BDNF: variants seen among roughly 807,000 people sequenced by gnomAD.
BDNF encodes neurotrophic factor BDNF precursor form.
A neutral mutation model predicts 19.5 loss-of-function variants in BDNF; 1 was observed. The observed-to-expected ratio is 0.05, with a 90% CI of 0.02 to 0.24. The LOEUF (loss-of-function observed/expected upper bound fraction) is 0.24. Among genes scored for constraint, BDNF ranks in the 10% least tolerant of loss-of-function variants. The pLI, the probability that BDNF is intolerant of heterozygous loss-of-function variation, is 1.00. For synonymous variants in BDNF, 100 were observed against 121.6 expected, an observed-to-expected ratio of 0.82 and a Z score of 1.17; for missense variants, 195 against 317.6, an observed-to-expected ratio of 0.61 and a Z score of 2.93.
At chr11:27,705,099 A>G (rs1860058581), upstream of BDNF, among the ~76,000 whole-genome samples, 1 of 152,228 alleles carries the variant, frequency 6.6e-6, no homozygotes, top group Non-Finnish European at 1.5e-5. Context: ...ACCCCCAAAC[A>G]TATGAGAAAT....
chr11:27,701,314 G>T (rs1276239547), upstream of BDNF: 7 of 1,126,024 alleles, frequency 6.2e-6, no homozygotes, highest in Non-Finnish European at 6.6e-6. Context: ...GTCACTACTT[G>T]TCAAAGTAAC....
intron 1 of BDNF, among the ~76,000 whole-genome samples, chr11:27,661,718 C>T (rs781354872): frequency 2.5e-4 from 38 of 152,232 alleles, no homozygotes; most frequent in Non-Finnish European, 4.8e-4. Context: ...CCTCACCCTT[C>T]TTAGCTAACT....
upstream of BDNF, among the ~76,000 whole-genome samples, chr11:27,702,290 C>A (rs1859939455): frequency 6.6e-6 from 1 of 152,198 alleles, no homozygotes; most frequent in South Asian, 2.1e-4. Flanking sequence ...GGTCCCTCCT[C>A]CTGAAATTGT....
intron 1 of BDNF, among the ~76,000 whole-genome samples, chr11:27,673,445 A>G (rs1855674061): frequency 6.6e-6 from 1 of 152,180 alleles, no homozygotes; most frequent in South Asian, 2.1e-4. Flanking sequence ...GTTAAGACCC[A>G]TTTGTCTTAT....
intron 1 of BDNF, among the ~76,000 whole-genome samples, chr11:27,664,297 C>G (rs1853948276): frequency 6.6e-6 from 1 of 152,046 alleles, no homozygotes; most frequent in South Asian, 2.1e-4. Context: ...GTTAGACTTC[C>G]TTTTGTTCAT....
At chr11:27,681,012 G>A (rs1856772090) in intron 1 of BDNF, among the ~76,000 whole-genome samples, 1 of 152,210 alleles carries the variant, frequency 6.6e-6, no homozygotes. Context: ...TCATCCATCA[G>A]ATTAACCTCT....
chr11:27,720,992 A>G (rs1479826378), intron 1 of BDNF, among the ~76,000 whole-genome samples: 1 of 80,464 alleles, frequency 1.2e-5, no homozygotes, highest in East Asian at 3.8e-4. Flanking sequence ...CCCCACCCTT[A>G]CCCCCACTCC....
At position 27,656,591 on chromosome 11, in the gene BDNF, A is replaced by G. The variant is rs1415962525; in HGVS notation, c.*1230T>C. The G allele has an allele frequency of 5.1e-6, 5 of 985,592 alleles. No homozygotes were observed. The highest frequency in any genetic ancestry group is 4.7e-5 in the South Asian group (1 of 21,268). The allele number at this position is 985,592 out of a possible 1,614,324, so 61.1% of individuals were successfully genotyped here. A position where few individuals can be genotyped will look rare whatever the true frequency, so the allele number is the denominator to read the frequency against. On this transcript the variant is annotated 3_prime_UTR_variant, in exon 2 of 2. Coordinates refer to ENST00000356660, the MANE Select transcript of BDNF (RefSeq NM_001709.5). Reference sequence around the variant, plus strand: ...CCGGTAAATGCAATGCCAACTCCACATAGCCTCCATTTGGCTGTTCAGTCT... The same window carrying G: ...CCGGTAAATGCAATGCCAACTCCACGTAGCCTCCATTTGGCTGTTCAGTCT...
chr11:27,696,200 T>G (rs1319286689), intron 1 of BDNF: 1 of 152,192 alleles, frequency 6.6e-6, no homozygotes, highest in Admixed American at 6.5e-5. Flanking sequence ...ATTCTATGCC[T>G]TAAGTAGAAG....
intron 1 of BDNF, among the ~76,000 whole-genome samples, chr11:27,685,946 A>T (rs1183402482): frequency 6.6e-6 from 1 of 152,144 alleles, no homozygotes; most frequent in African/African-American, 2.4e-5. Flanking sequence ...TCAAATCCTG[A>T]ATATGCTTGT....
chr11:27,698,672 T>C (rs1590450359), intron 1 of BDNF, among the ~76,000 whole-genome samples: 1 of 152,316 alleles, frequency 6.6e-6, no homozygotes, highest in African/African-American at 2.4e-5. Context: ...TGTCGCCTTT[T>C]ATATGCAGTT....
At chr11:27,713,408 C>T (rs1007494017) in intron 1 of BDNF, among the ~76,000 whole-genome samples, 1 of 152,058 alleles carries the variant, frequency 6.6e-6, no homozygotes, top group African/African-American at 2.4e-5. Flanking sequence ...CAATTTTTTC[C>T]CACATTCTCT....
intron 1 of BDNF, among the ~76,000 whole-genome samples, chr11:27,671,616 A>G (rs1050528602): frequency 6.6e-6 from 1 of 152,178 alleles, no homozygotes; most frequent in Non-Finnish European, 1.5e-5. Context: ...TATTCCTAAA[A>G]ATATTTTAAC....
intron 1 of BDNF, chr11:27,660,349 T>C (rs1026919334): frequency 7.4e-6 from 4 of 538,562 alleles, no homozygotes; most frequent in African/African-American, 6.1e-5. Context: ...ACTGCTTAGA[T>C]TGCACAATGT....
At chr11:27,685,972 T>C (rs1456035490) in intron 1 of BDNF, among the ~76,000 whole-genome samples, 1 of 152,196 alleles carries the variant, frequency 6.6e-6, no homozygotes, top group African/African-American at 2.4e-5. Flanking sequence ...TTCTGTCTCG[T>C]TGACCTAATA....
rs1419497827 is a variant in BDNF at position 27,655,454 on chromosome 11, A to C, written c.*2367T>G. 1 of 152,306 alleles carries C rather than the reference A, an allele frequency of 6.6e-6. No individual in the cohort carries two copies. Among genetic ancestry groups the C allele is most frequent in the Non-Finnish European group, 1.5e-5 (1 of 68,050 alleles). 9.4% of individuals were successfully genotyped at this position (152,306 alleles called of 1,614,324 possible). A position where few individuals can be genotyped will look rare whatever the true frequency, so the allele number is the denominator to read the frequency against. On this transcript the variant is annotated 3_prime_UTR_variant, in exon 2 of 2. Coordinates refer to ENST00000356660, the MANE Select transcript of BDNF (RefSeq NM_001709.5). Reference sequence around the variant, plus strand: ...TTTGTGATGGGGGGTTGTTTGTTTTAAATTTGTCCCTCAAAAGGAAGCTGC... The same window carrying C: ...TTTGTGATGGGGGGTTGTTTGTTTTCAATTTGTCCCTCAAAAGGAAGCTGC...
At chr11:27,666,390 G>A (rs371511244) in intron 1 of BDNF, among the ~76,000 whole-genome samples, 5 of 152,178 alleles carry the variant, frequency 3.3e-5, no homozygotes, top group South Asian at 2.1e-4. Flanking sequence ...GCAGCTCCTC[G>A]CCAGCAATGG....
intron 1 of BDNF, among the ~76,000 whole-genome samples, chr11:27,689,244 G>A (rs533601507): frequency 6.6e-6 from 1 of 152,306 alleles, no homozygotes; most frequent in South Asian, 2.1e-4. Flanking sequence ...AGGGGACTAG[G>A]TTAGGTGAAG....
At chr11:27,706,582 T>C (rs1176583588) in intron 1 of BDNF, among the ~76,000 whole-genome samples, 1 of 152,222 alleles carries the variant, frequency 6.6e-6, no homozygotes, top group Non-Finnish European at 1.5e-5. Context: ...CTCACAACCT[T>C]TCTTCATAAA....
Sources: allele counts gnomAD v4.1 joint callset (sites outside exome capture counted in the v4.1 genomes callset), GRCh38; gene constraint gnomAD v4.1.1; transcripts MANE v1.5; gene names NCBI Gene and HGNC (gene_info 2026-07-23, HGNC 2026-07-21).